The following BCAS3 variants were observed in gnomAD, a reference collection of about 807,000 sequenced individuals.
BCAS3 encodes the protein BCAS3 microtubule associated cell migration factor, also known as BCAS4/BCAS3 fusion.
In BCAS3, 53 loss-of-function variants were observed where a neutral mutation model predicts 116.1. That is an observed-to-expected ratio of 0.46 (90% CI 0.37 to 0.57). BCAS3 has a LOEUF of 0.57. BCAS3 is among the 20% of genes least tolerant of loss of function. The pLI, the probability that BCAS3 is intolerant of heterozygous loss-of-function variation, is 0.00. For synonymous variants in BCAS3, 391 were observed against 408.2 expected, an observed-to-expected ratio of 0.96 and a Z score of 0.51; for missense variants, 917 against 1,165.4, an observed-to-expected ratio of 0.79 and a Z score of 3.10.
chr17:61,212,567 A>G (rs1157639681), intron 22 of BCAS3, among the ~76,000 whole-genome samples: 1 of 151,160 alleles, frequency 6.6e-6, no homozygotes, highest in Non-Finnish European at 1.5e-5. Context: ...TAAAAACTAT[A>G]TTGTATATTT....
At chr17:60,953,653 C>T (rs941073001) in intron 14 of BCAS3, among the ~76,000 whole-genome samples, 2 of 151,562 alleles carry the variant, frequency 1.3e-5, no homozygotes, top group East Asian at 3.8e-4. Flanking sequence ...TTCCTGTGTC[C>T]AGAATGGTAT....
At chr17:60,910,298 C>T (rs945153070) in intron 11 of BCAS3, among the ~76,000 whole-genome samples, 1 of 152,094 alleles carries the variant, frequency 6.6e-6, no homozygotes, top group Non-Finnish European at 1.5e-5. Context: ...GGCTTTATGC[C>T]TGCCATGGTG....
chr17:60,781,040 C>T (rs532483214), intron 6 of BCAS3, among the ~76,000 whole-genome samples: 9 of 152,124 alleles, frequency 5.9e-5, no homozygotes, highest in African/African-American at 2.2e-4. Context: ...ACCATCTCGG[C>T]TCACTGCAGC....
intron 22 of BCAS3, among the ~76,000 whole-genome samples, chr17:61,191,780 A>AAAAAAG (rs141614148): frequency 1.9e-4 from 27 of 145,714 alleles, no homozygotes; most frequent in East Asian, 2.1e-4. Flanking sequence ...GTCTCAAAAA[A>AAAAAAG]AAAAGAAAAG....
chr17:61,060,398 G>A (rs555288673), intron 19 of BCAS3, among the ~76,000 whole-genome samples: 5 of 152,000 alleles, frequency 3.3e-5, no homozygotes, highest in Non-Finnish European at 7.4e-5. Context: ...GCCTCCCAGA[G>A]TGCTGGGATT....
At chr17:61,165,403 T>A (rs8079951) in intron 22 of BCAS3, among the ~76,000 whole-genome samples, 104,985 of 152,178 alleles carry the variant, frequency 0.69, 38,889 homozygotes, top group South Asian at 0.9. Flanking sequence ...TACTTTTTTT[T>A]AAAAAAGTTT....
At chr17:61,296,784 T>G (rs1054084708) in intron 22 of BCAS3, among the ~76,000 whole-genome samples, 2 of 152,212 alleles carry the variant, frequency 1.3e-5, no homozygotes, top group Admixed American at 1.3e-4. Flanking sequence ...GAATAGCACT[T>G]GCAAAGTCCG....
At chr17:61,218,489 G>A (rs1452847823) in intron 22 of BCAS3, among the ~76,000 whole-genome samples, 4 of 152,216 alleles carry the variant, frequency 2.6e-5, no homozygotes, top group African/African-American at 4.8e-5. Context: ...GCTACAGTGA[G>A]TAATTGCAAC....
chr17:60,899,293 T>C (rs2057717835), intron 10 of BCAS3, among the ~76,000 whole-genome samples: 1 of 152,184 alleles, frequency 6.6e-6, no homozygotes. Flanking sequence ...TATACCTGTC[T>C]CACCCCCATC....
Position 61,241,138 on chromosome 17 carries a change from GTGGGCACAC to G in BCAS3, c.2426-127186_2426-127178del, listed in dbSNP as rs1443280441. The stretch of plus-strand genomic sequence containing the variant: ...GCTTTCTTTGGGGGACCCTCATATA[GTGGGCACAC>G]TGAATATGTGGATTTAATATTAGAG... On this transcript the variant is annotated intron_variant, in intron 22 of 23. Coordinates refer to ENST00000407086, the MANE Select transcript of BCAS3 (RefSeq NM_017679.5). The surrounding 1 kb of genome is among the most constrained non-coding windows in gnomAD (Gnocchi z 4.6). Among the ~76,000 whole-genome samples, 1 of 152,158 alleles carries G rather than the reference GTGGGCACAC, an allele frequency of 6.6e-6. No homozygotes were observed. Among genetic ancestry groups the G allele is most frequent in the Non-Finnish European group, 1.5e-5 (1 of 68,032 alleles).
rs546747592 is a variant in BCAS3 at position 60,865,843 on chromosome 17, A to T, written c.477-2733A>T. ...ACAATTTTGCCTCGTTCTTGACCTT[A>T]TGGGGAAGGTGTTTATTCTTATATC... On this transcript the variant is annotated intron_variant, in intron 7 of 23. Coordinates refer to ENST00000407086, the MANE Select transcript of BCAS3 (RefSeq NM_017679.5). Among the ~76,000 whole-genome samples, 4 of 152,288 alleles carry T rather than the reference A, an allele frequency of 2.6e-5. No homozygotes were observed. The East Asian group carries it at 7.7e-4, about 29-fold the overall frequency.
intron 2 of BCAS3, among the ~76,000 whole-genome samples, chr17:60,682,227 AGGGAAGGGGAT>A (rs1460221135): frequency 6.6e-6 from 1 of 152,138 alleles, no homozygotes; most frequent in Non-Finnish European, 1.5e-5. Flanking sequence ...ACTAAAAGGA[AGGGAAGGGGAT>A]GGGAAGGAAT....
chr17:60,910,566 T>C lies in BCAS3; in HGVS notation c.857T>C (p.Val286Ala). Residue 286 changes from valine to alanine, a missense_variant, in exon 12 of 24, where the codon GTG becomes GCG. By Grantham distance (64) the Val-to-Ala change is moderately conservative (BLOSUM62 0). Transcript: ENST00000407086. ...LKSGLTMVGK[V>A]VTQLTGTLPS... ...AGTGGCCTGACAATGGTAGGGAAAG[T>C]GGTGACTCAGCTGACAGGCACACTG... 6.2e-7 allele frequency: 1 copy of C among 1,609,172 alleles called. No homozygotes were observed. The highest frequency in any genetic ancestry group is 8.5e-7 in the Non-Finnish European group (1 of 1,177,852).
chr17:60,902,592 T>A, intron 10 of BCAS3, 28 bp from the exon 11 acceptor site: 10 of 1,546,824 alleles, frequency 6.5e-6, no homozygotes, highest in Non-Finnish European at 8.9e-6. Context: ...GAAATGACGT[T>A]CTGCTTCTCT....
chr17:61,335,642 G>A (rs1404108985), intron 22 of BCAS3, among the ~76,000 whole-genome samples: 1 of 152,132 alleles, frequency 6.6e-6, no homozygotes, highest in African/African-American at 2.4e-5. Flanking sequence ...TAGCACTATG[G>A]GAGGCTGAGG....
intron 22 of BCAS3, among the ~76,000 whole-genome samples, chr17:61,317,453 G>T (rs1459479368): frequency 6.6e-6 from 1 of 152,240 alleles, no homozygotes; most frequent in Non-Finnish European, 1.5e-5. Context: ...GTAGGGCTGG[G>T]CTGAGTCAAG....
rs60400503 is a variant in BCAS3 at position 61,184,827 on chromosome 17, A to G, written c.2425+100263A>G. Among the ~76,000 whole-genome samples, 303 of 152,276 alleles carry G rather than the reference A, an allele frequency of 2.0e-3. 4 individuals are homozygous for G. Among genetic ancestry groups the G allele is most frequent in the African/African-American group, 7.0e-3 (289 of 41,574 alleles). ...AAAGCATTGTGCTAAGTGAAAAAAG[A>G]CAGACATAAAAGAATATATCATCTG... On this transcript the variant is annotated intron_variant, in intron 22 of 23. Coordinates refer to ENST00000407086, the MANE Select transcript of BCAS3 (RefSeq NM_017679.5).
intron 22 of BCAS3, among the ~76,000 whole-genome samples, chr17:61,277,217 C>A (rs2050833332): frequency 7.7e-6 from 1 of 129,202 alleles, no homozygotes. Context: ...GAGCTGTAAT[C>A]ATGTCAGTGT....
intron 2 of BCAS3, 63 bp downstream of exon 2, chr17:60,679,603 G>A: frequency 7.4e-7 from 1 of 1,347,714 alleles, no homozygotes; most frequent in Admixed American, 1.8e-5. Context: ...CTAACATTTA[G>A]GTTTTCTTTA....
Sources: gnomAD v4.1 joint callset for allele counts (sites outside exome capture counted in the v4.1 genomes callset) on GRCh38, gnomAD v4.1.1 for gene constraint, Gnocchi (gnomAD v3.1) non-coding constraint, MANE v1.5 for transcripts, NCBI Gene and HGNC (gene_info 2026-07-23, HGNC 2026-07-21) for gene names.